The following ELAPOR1 variants were observed in gnomAD, a reference collection of about 807,000 sequenced individuals.
The protein encoded by ELAPOR1 is endosome-lysosome associated apoptosis and autophagy regulator 1, also known as endosome/lysosome-associated apoptosis and autophagy regulator 1.
In ELAPOR1, 77 loss-of-function variants were observed where a neutral mutation model predicts 119.7. That is an observed-to-expected ratio of 0.64 (90% CI 0.54 to 0.78). ELAPOR1 has a LOEUF of 0.78. ELAPOR1 is among the 30% of genes least tolerant of loss of function. The pLI, the probability that ELAPOR1 is intolerant of heterozygous loss-of-function variation, is 0.00. For missense variants in ELAPOR1, 1,115 were observed against 1,270.4 expected, an observed-to-expected ratio of 0.88 and a Z score of 1.86; for synonymous variants, 481 against 487.2, an observed-to-expected ratio of 0.99 and a Z score of 0.17.
chr1:109,199,446 C>T (rs1319445018), intron 18 of ELAPOR1, among the ~76,000 whole-genome samples: 4 of 152,136 alleles, frequency 2.6e-5, no homozygotes, highest in African/African-American at 7.2e-5. Context: ...GTATCCATAC[C>T]GGAAGTTCAT....
intron 1 of ELAPOR1, among the ~76,000 whole-genome samples, chr1:109,127,192 GTTCTAA>G (rs1157296159): frequency 6.8e-6 from 1 of 146,342 alleles, no homozygotes; most frequent in Non-Finnish European, 1.5e-5. Context: ...GCCCTCCACT[GTTCTAA>G]TTCTTTTTTT....
rs1336119821 is a variant in ELAPOR1 at position 109,204,982 on chromosome 1, T to A, written c.*1970T>A. ...CTCTTTTTTTCATTCTCAATTGCTT[T>A]GTGTGATAAAAAACTAAAGAGACTT... On this transcript the variant is annotated 3_prime_UTR_variant, in exon 22 of 22. Transcript: ENST00000369939. 6.6e-6 allele frequency: 1 copy of A among 152,224 alleles called. No individual in the cohort carries two copies. The highest frequency in any genetic ancestry group is 1.5e-5 in the Non-Finnish European group (1 of 68,040). The allele number at this position is 152,224 out of a possible 1,614,324, so 9.4% of individuals were successfully genotyped here.
chr1:109,124,610 T>C lies in ELAPOR1; in HGVS notation c.153+10274T>C, dbSNP rs2100967155. On this transcript the variant is annotated intron_variant, in intron 1 of 21. Transcript: ENST00000369939. ...TGAGGATTCTTTGACCAAGGGCATA[T>C]ATATTTCATATTGTTCCCTATTTCT... Among the ~76,000 whole-genome samples, 2 of 152,352 alleles carry C rather than the reference T, an allele frequency of 1.3e-5. 1 individual carries two copies. Among genetic ancestry groups the C allele is most frequent in the Middle Eastern group, 6.8e-3 (2 of 294 alleles).
rs147298077 is a variant in ELAPOR1 at position 109,164,515 on chromosome 1, C to G, written c.291C>G (p.Ala97=). 7 of 1,611,850 alleles carry G rather than the reference C, an allele frequency of 4.3e-6. No individual in the cohort carries two copies. The highest frequency in any genetic ancestry group is 5.9e-6 in the Non-Finnish European group (7 of 1,178,294). ...GTTTTCCAGCCTTCTCCTGCAACGC[C>G]GGGGAGTTTCTGGATATGAAGGACC... ...KGTECSFSCN[A]GEFLDMKDQS... is the part of the protein sequence containing the mutation. Residue 97 remains alanine (A), a synonymous_variant, in exon 3 of 22, where the codon GCC becomes GCG. Transcript: ENST00000369939.
chr1:109,144,055 T>TATATATATATATATATA (rs1558029151), intron 1 of ELAPOR1, among the ~76,000 whole-genome samples: 3 of 64,362 alleles, frequency 4.7e-5, no homozygotes, highest in African/African-American at 1.7e-4. Flanking sequence ...ATATATATAT[T>TATATATATATATATATA]TATATATTTT....
chr1:109,146,338 C>T (rs1257107762), intron 1 of ELAPOR1, among the ~76,000 whole-genome samples: 1 of 150,600 alleles, frequency 6.6e-6, no homozygotes, highest in Non-Finnish European at 1.5e-5. Flanking sequence ...AAAAAAAATA[C>T]AAATCTCGAT....
chr1:109,171,789 AACATGAG>A (rs1280989993), intron 3 of ELAPOR1, 70 bp from the exon 4 acceptor site: 1 of 1,456,100 alleles, frequency 6.9e-7, no homozygotes, highest in African/African-American at 1.4e-5. Context: ...GACCCAGCAG[AACATGAG>A]ACCTGCACAT....
rs374876006 is a variant in ELAPOR1 at position 109,194,405 on chromosome 1, T to C, written c.1948-16T>C. ...CTTCCTGACCAGCTGGCCCGACCCG[T>C]CCCTCTCCCCCTCAGATCCACTCTC... On this transcript the variant is annotated splice_polypyrimidine_tract_variant and intron_variant, in intron 14 of 21. Coordinates refer to ENST00000369939, the MANE Select transcript of ELAPOR1 (RefSeq NM_020775.5). 9 of 1,611,566 alleles carry C rather than the reference T, an allele frequency of 5.6e-6. No homozygotes were observed. The highest frequency in any genetic ancestry group is 7.6e-6 in the Non-Finnish European group (9 of 1,178,298).
chr1:109,158,953 C>T (rs569567960), intron 1 of ELAPOR1, among the ~76,000 whole-genome samples: 3 of 146,102 alleles, frequency 2.1e-5, no homozygotes, highest in South Asian at 4.3e-4. Flanking sequence ...AGTAAAGTGG[C>T]GTGATCTTGG....
At chr1:109,169,371 C>A (rs1651789946) in intron 3 of ELAPOR1, among the ~76,000 whole-genome samples, 1 of 152,136 alleles carries the variant, frequency 6.6e-6, no homozygotes, top group Admixed American at 6.5e-5. Context: ...TCCTGAGGAG[C>A]TGGGATTACA....
At chr1:109,196,718 C>G (rs1271819926) in intron 15 of ELAPOR1, among the ~76,000 whole-genome samples, 1 of 149,590 alleles carries the variant, frequency 6.7e-6, no homozygotes, top group Admixed American at 6.7e-5. Flanking sequence ...GAGTCTCACT[C>G]TTTTGCCAGG....
At chr1:109,153,616 GTGTTTTGTTTTGTTT>G (rs201426802) in intron 1 of ELAPOR1, among the ~76,000 whole-genome samples, 157 of 148,472 alleles carry the variant, frequency 1.1e-3, no homozygotes, top group South Asian at 2.8e-3. Context: ...CTTGTGGCAG[GTGTTTTGTTTTGTTT>G]TGTTTTGTTT....
intron 3 of ELAPOR1, among the ~76,000 whole-genome samples, chr1:109,171,273 C>T (rs541676203): frequency 2.1e-4 from 32 of 152,238 alleles, no homozygotes; most frequent in Non-Finnish European, 4.0e-4. Context: ...CCTGACTAGG[C>T]GCAGTGGCTC....
intron 3 of ELAPOR1, among the ~76,000 whole-genome samples, chr1:109,165,478 G>A (rs774515317): frequency 2.6e-5 from 4 of 151,986 alleles, no homozygotes; most frequent in Admixed American, 1.3e-4. Flanking sequence ...TCAGCGACTC[G>A]GGAGGCTGAG....
intron 1 of ELAPOR1, among the ~76,000 whole-genome samples, chr1:109,115,133 A>G (rs886792328): frequency 2.6e-5 from 4 of 152,226 alleles, no homozygotes; most frequent in Admixed American, 1.3e-4. Context: ...TAGCTTTTGA[A>G]AAGTCATCTT....
Position 109,173,673 on chromosome 1 carries a change from C to T in ELAPOR1, c.803-15C>T. The T allele has an allele frequency of 6.2e-7, 1 of 1,613,644 alleles. No individual in the cohort carries two copies. The highest frequency in any genetic ancestry group is 8.5e-7 in the Non-Finnish European group (1 of 1,179,746). ...GGCTGAATCCTTGCTTTTCTGTGCT[C>T]TTCCTCCTCCCTAGGGGTGGCCTAC... On this transcript the variant is annotated splice_polypyrimidine_tract_variant and intron_variant, in intron 6 of 21. Coordinates refer to ENST00000369939, the MANE Select transcript of ELAPOR1 (RefSeq NM_020775.5).
intron 6 of ELAPOR1, 25 bp from the exon 7 acceptor site, chr1:109,173,663 T>C (rs776372982): frequency 3.7e-6 from 6 of 1,613,596 alleles, no homozygotes; most frequent in Non-Finnish European, 5.1e-6. Context: ...AATCCTTGCT[T>C]TTCTGTGCTC....
chr1:109,185,180 C>A, intron 8 of ELAPOR1, 47 bp downstream of exon 8: 1 of 1,418,576 alleles, frequency 7.0e-7, no homozygotes, highest in Non-Finnish European at 1.0e-6. Flanking sequence ...TGGACTGTCT[C>A]CCACTCCCTG....
intron 1 of ELAPOR1, among the ~76,000 whole-genome samples, chr1:109,143,026 T>G (rs1244049427): frequency 1.3e-5 from 2 of 152,124 alleles, no homozygotes; most frequent in African/African-American, 4.8e-5. Context: ...CTCAGCTCAC[T>G]GCAACCTCCG....
Sources: gnomAD v4.1 joint callset for allele counts (sites outside exome capture counted in the v4.1 genomes callset) on GRCh38, gnomAD v4.1.1 for gene constraint, MANE v1.5 for transcripts, NCBI Gene and HGNC (gene_info 2026-07-23, HGNC 2026-07-21) for gene names.